DNAH1: variants seen among roughly 807,000 people sequenced by gnomAD.
DNAH1 encodes the protein axonemal beta dynein heavy chain 1.
A neutral mutation model predicts 484.3 loss-of-function variants in DNAH1; 327 were observed. The observed-to-expected ratio is 0.68, with a 90% confidence interval of 0.62 to 0.74. The LOEUF (loss-of-function observed/expected upper bound fraction) is 0.74. Ranked by LOEUF, DNAH1 falls within the 30% of genes least tolerant of loss-of-function variation. The pLI is 0.00. For missense variants in DNAH1, 5,052 were observed against 5,546.8 expected, an observed-to-expected ratio of 0.91 and a Z score of 2.83; for synonymous variants, 2,192 against 2,191.9, an observed-to-expected ratio of 1.00 and a Z score of 0.00.
chr3:52,348,298 C>T, intron 12 of DNAH1, among the ~76,000 whole-genome samples: 1 of 152,178 alleles, frequency 6.6e-6, no homozygotes, highest in East Asian at 1.9e-4. Flanking sequence ...AGTGTTGGAA[C>T]TGCGATCTGA....
At chr3:52,331,974 G>A (rs537282558) in intron 7 of DNAH1, among the ~76,000 whole-genome samples, 168 bp from the exon 8 acceptor site, 25 of 152,278 alleles carry the variant, frequency 1.6e-4, no homozygotes, top group African/African-American at 6.0e-4. Context: ...GAGATGGGCC[G>A]GGCAGGAAGT....
chr3:52,394,847 G>A (rs1022729282), intron 67 of DNAH1, 68 bp from the exon 68 acceptor site: 22 of 1,578,492 alleles, frequency 1.4e-5, no homozygotes, highest in African/African-American at 8.1e-5. Context: ...CCGGCTGGCC[G>A]AATCCCTGGG....
At chr3:52,371,734 T>G (rs898430362) in intron 41 of DNAH1, among the ~76,000 whole-genome samples, 3 of 152,234 alleles carry the variant, frequency 2.0e-5, no homozygotes, top group African/African-American at 7.2e-5. Context: ...AGAGTCCCCA[T>G]TCTTGGCTGT....
intron 75 of DNAH1, 125 bp from the exon 76 acceptor site, chr3:52,398,725 C>T: frequency 1.2e-6 from 1 of 819,792 alleles, no homozygotes; most frequent in Non-Finnish European, 1.8e-6. Flanking sequence ...CCACCTGACC[C>T]AGCTCTCTGC....
chr3:52,318,609 T>C (rs1189748090), intron 1 of DNAH1, among the ~76,000 whole-genome samples: 1 of 152,244 alleles, frequency 6.6e-6, no homozygotes, highest in Non-Finnish European at 1.5e-5. Flanking sequence ...TGCTAGGTGC[T>C]AGGTGCCAAG....
At position 52,350,495 on chromosome 3, in the gene DNAH1, C is replaced by T; in HGVS notation, c.2647-13C>T. Reference sequence around the variant, plus strand: ...GGCACACGTGAAGTTCTCATTACCACCTGTCTGTGCAGGAGCGGATTGTGA... The same window carrying T: ...GGCACACGTGAAGTTCTCATTACCATCTGTCTGTGCAGGAGCGGATTGTGA... On this transcript the variant is annotated splice_polypyrimidine_tract_variant and intron_variant, in intron 15 of 77. Transcript: ENST00000420323. 6.2e-7 allele frequency: 1 copy of T among 1,613,334 alleles called. No homozygotes were observed. The highest frequency in any genetic ancestry group is 8.5e-7 in the Non-Finnish European group (1 of 1,179,472).
At chr3:52,331,620 T>C (rs912017248) in intron 7 of DNAH1, among the ~76,000 whole-genome samples, 2 of 81,200 alleles carry the variant, frequency 2.5e-5, no homozygotes, top group Admixed American at 1.1e-4. Flanking sequence ...AATACTTTTC[T>C]TTTTTTTTTT....
rs776152943 is a variant in DNAH1 at position 52,399,827 on chromosome 3, C to A, written c.12676+48C>A. ...CTACACTATGGGCGGGGACCCAGGACTAACCCAGCCCAGCCCAAGCCAGTC... is the reference window on the plus strand; with the variant it reads ...CTACACTATGGGCGGGGACCCAGGAATAACCCAGCCCAGCCCAAGCCAGTC... On this transcript the variant is annotated intron_variant, in intron 77 of 77. Coordinates refer to ENST00000420323, the MANE Select transcript of DNAH1 (RefSeq NM_015512.5). 5 of 1,571,294 alleles carry A rather than the reference C, an allele frequency of 3.2e-6. No individual in the cohort carries two copies. In the Admixed American group the frequency reaches 6.9e-5, roughly 22 times the overall value.
chr3:52,370,112 A>T lies in DNAH1; in HGVS notation c.6141A>T (p.Glu2047Asp). Reference sequence around the variant, plus strand: ...AACTGGGTGCCTACTCCCTGCAGGAATCCATCTCCTTCGTTCGGTCCTCAG... The same window carrying T: ...AACTGGGTGCCTACTCCCTGCAGGATTCCATCTCCTTCGTTCGGTCCTCAG... ...FKALFVSFLE[E>D]SISFVRSSVK... The change falls in exon 39 of 78, where the codon GAA (glutamate) becomes GAT (aspartate). Residue 2047 changes from glutamate (E) to aspartate (D), a missense_variant and splice_region_variant. Physicochemically the swap from Glu to Asp is conservative, Grantham distance 45. Transcript: ENST00000420323. 1 of 1,614,002 alleles carries T rather than the reference A, an allele frequency of 6.2e-7. No individual in the cohort carries two copies. Among genetic ancestry groups the T allele is most frequent in the East Asian group, 2.2e-5 (1 of 44,884 alleles).
At chr3:52,360,938 T>C (rs1702828308) in intron 28 of DNAH1, among the ~76,000 whole-genome samples, 1 of 151,998 alleles carries the variant, frequency 6.6e-6, no homozygotes. Flanking sequence ...ATGTCGGCCA[T>C]CCCCAGGGGT....
chr3:52,326,606 G>A (rs1021048624), intron 4 of DNAH1, 129 bp from the exon 5 acceptor site: 2 of 1,194,794 alleles, frequency 1.7e-6, no homozygotes, highest in South Asian at 1.6e-5. Flanking sequence ...TCTCAGAGGG[G>A]TGGAGGGCTC....
At chr3:52,338,345 A>G (rs1026898637) in intron 8 of DNAH1, among the ~76,000 whole-genome samples, 5 of 152,098 alleles carry the variant, frequency 3.3e-5, no homozygotes, top group African/African-American at 4.8e-5. Context: ...CTGACCTCAA[A>G]TGATTCACCC....
At position 52,394,783 on chromosome 3, in the gene DNAH1, C is replaced by T. The variant is rs1285882591; in HGVS notation, c.10823+122C>T. ...GGTTGCCCTGTGGCTGTGGCCACAT[C>T]TCCTCTGTGCCTCCAGTGCCATACC... On this transcript the variant is annotated intron_variant, in intron 67 of 77. Transcript: ENST00000420323. The T allele has an allele frequency of 6.1e-6, 9 of 1,478,472 alleles. No homozygotes were observed. The East Asian group carries it at 1.9e-4, about 32-fold the overall frequency. The allele number at this position is 1,478,472 out of a possible 1,614,324, so 91.6% of individuals were successfully genotyped here.
chr3:52,400,257 C>T, intron 77 of DNAH1, 68 bp from the exon 78 acceptor site: 10 of 1,596,096 alleles, frequency 6.3e-6, no homozygotes, highest in Non-Finnish European at 8.5e-6. Context: ...CACTGCCCTG[C>T]CCCTACGCTA....
chr3:52,337,362 G>A (rs1701774416), intron 8 of DNAH1, among the ~76,000 whole-genome samples: 1 of 152,126 alleles, frequency 6.6e-6, no homozygotes, highest in Non-Finnish European at 1.5e-5. Context: ...ATTTTACTTT[G>A]TTTGATATCA....
chr3:52,380,903 A>T (rs1703815507), intron 48 of DNAH1, among the ~76,000 whole-genome samples: 1 of 152,246 alleles, frequency 6.6e-6, no homozygotes, highest in Non-Finnish European at 1.5e-5. Context: ...CAGGGTAATT[A>T]GTCCAGAGCA....
chr3:52,346,554 G>A lies in DNAH1; in HGVS notation c.1739G>A (p.Trp580Ter). 1 of 1,614,046 alleles carries A rather than the reference G, an allele frequency of 6.2e-7. No individual in the cohort carries two copies. The highest frequency in any genetic ancestry group is 1.1e-5 in the South Asian group (1 of 91,080). ...RSSLRDMSKG[W>*]YNLYETNWEV... ...AGCCTGCGCGACATGAGCAAGGGCT[G>A]GTACAACCTCTACGAGACCAACTGG... is the stretch of plus-strand genomic sequence containing the variant. Residue 580 changes from tryptophan to a stop codon, truncating the protein, a stop_gained, in exon 11 of 78, where the codon TGG becomes TAG. Transcript: ENST00000420323. LOFTEE classifies it high-confidence loss of function.
At position 52,322,913 on chromosome 3, in the gene DNAH1, C is replaced by A; in HGVS notation, c.333+138C>A. 6.3e-6 allele frequency: 5 copies of A among 789,672 alleles called. No individual in the cohort carries two copies. The South Asian group carries it at 8.0e-5, about 13-fold the overall frequency. The allele number at this position is 789,672 out of a possible 1,614,324, so 48.9% of individuals were successfully genotyped here. A position where few individuals can be genotyped will look rare whatever the true frequency, so the allele number is the denominator to read the frequency against. ...TCGATCTATCCATCTGTCTTTCTATCCATCTACCCCCTATTATCCCCTCAT... is the reference window on the plus strand; with the variant it reads ...TCGATCTATCCATCTGTCTTTCTATACATCTACCCCCTATTATCCCCTCAT... On this transcript the variant is annotated intron_variant, in intron 2 of 77. Transcript: ENST00000420323.
chr3:52,354,038 T>C (rs1361547403), intron 20 of DNAH1, among the ~76,000 whole-genome samples: 1 of 151,382 alleles, frequency 6.6e-6, no homozygotes, highest in Non-Finnish European at 1.5e-5. Flanking sequence ...TACAAAAAAT[T>C]AAGATATTAG....
Sources: gnomAD v4.1 joint callset for allele counts (sites outside exome capture counted in the v4.1 genomes callset) on GRCh38, gnomAD v4.1.1 for gene constraint, MANE v1.5 for transcripts, NCBI Gene and HGNC (gene_info 2026-07-23, HGNC 2026-07-21) for gene names.